The following EIF4G3 variants were observed in gnomAD, a reference collection of about 807,000 sequenced individuals.
The protein encoded by EIF4G3 is eIF-4-gamma 3.
EIF4G3 carries 34 observed loss-of-function variants against 186.4 expected under a neutral mutation model. That is an observed-to-expected ratio of 0.18 (90% confidence interval 0.14 to 0.24). The LOEUF is 0.24. Ranked by LOEUF, EIF4G3 falls within the 10% of genes least tolerant of loss-of-function variation. EIF4G3 has a pLI of 1.00. For missense variants in EIF4G3, 1,536 were observed against 1,948.5 expected, an observed-to-expected ratio of 0.79 and a Z score of 3.99; for synonymous variants, 673 against 679.5, an observed-to-expected ratio of 0.99 and a Z score of 0.15.
intron 4 of EIF4G3, among the ~76,000 whole-genome samples, chr1:21,013,133 C>T (rs183417110): frequency 7.3e-4 from 111 of 152,028 alleles, no homozygotes; most frequent in African/African-American, 2.4e-3. Flanking sequence ...GGAAGGAAGC[C>T]GGCAGAATCT....
intron 2 of EIF4G3, among the ~76,000 whole-genome samples, chr1:21,146,903 G>C (rs2097453070): frequency 6.6e-6 from 1 of 152,132 alleles, no homozygotes; most frequent in African/African-American, 2.4e-5. Flanking sequence ...TGCAATAATT[G>C]TAATAAAAGG....
chr1:20,905,057 A>G (rs888701847), intron 14 of EIF4G3, 86 bp from the exon 15 acceptor site: 2 of 1,000,266 alleles, frequency 2.0e-6, no homozygotes, highest in Non-Finnish European at 3.0e-6. Flanking sequence ...TATTCAAATT[A>G]AGCAGGATAA....
chr1:20,873,709 T>TC (rs2079895516), intron 20 of EIF4G3, among the ~76,000 whole-genome samples: 1 of 129,592 alleles, frequency 7.7e-6, no homozygotes, highest in Non-Finnish European at 1.6e-5. Flanking sequence ...ATTGAATGTC[T>TC]TTTTTTTTTC....
intron 2 of EIF4G3, among the ~76,000 whole-genome samples, chr1:21,092,310 T>C (rs1227134488): frequency 2.0e-5 from 3 of 152,222 alleles, no homozygotes; most frequent in Non-Finnish European, 4.4e-5. Context: ...TTTGTGTATG[T>C]TGATCCAGCC....
At chr1:20,895,765 T>A (rs1213701093) in intron 16 of EIF4G3, among the ~76,000 whole-genome samples, 1 of 152,222 alleles carries the variant, frequency 6.6e-6, no homozygotes, top group Non-Finnish European at 1.5e-5. Context: ...TTTAAAAGTA[T>A]AGCACATACA....
intron 2 of EIF4G3, among the ~76,000 whole-genome samples, chr1:21,115,313 G>A (rs971680165): frequency 1.3e-5 from 2 of 152,176 alleles, no homozygotes; most frequent in African/African-American, 4.8e-5. Flanking sequence ...TCCATGGGGA[G>A]AGAGGGGAAT....
intron 2 of EIF4G3, among the ~76,000 whole-genome samples, chr1:21,152,646 T>C (rs974399848): frequency 1.3e-5 from 2 of 152,150 alleles, no homozygotes; most frequent in Non-Finnish European, 2.9e-5. Context: ...CCAAAATACT[T>C]TCCCTATGAG....
intron 3 of EIF4G3, among the ~76,000 whole-genome samples, chr1:21,053,295 C>T (rs1334024328): frequency 1.3e-5 from 2 of 151,538 alleles, no homozygotes; most frequent in Non-Finnish European, 2.9e-5. Context: ...TGAGGAGCCC[C>T]TCCGCCCGGC....
At chr1:21,032,183 T>A (rs2092802912) in intron 4 of EIF4G3, among the ~76,000 whole-genome samples, 1 of 152,244 alleles carries the variant, frequency 6.6e-6, no homozygotes, top group African/African-American at 2.4e-5. Context: ...CTGGAAATTA[T>A]AGCACAGATG....
At chr1:20,843,198 G>A (rs1005804789) in intron 29 of EIF4G3, among the ~76,000 whole-genome samples, 2 of 151,252 alleles carry the variant, frequency 1.3e-5, no homozygotes, top group African/African-American at 2.4e-5. Flanking sequence ...GCCTTTTCAA[G>A]AGGACTTGTA....
At chr1:20,816,180 T>C (rs1347799896) in intron 34 of EIF4G3, among the ~76,000 whole-genome samples, 1 of 84,752 alleles carries the variant, frequency 1.2e-5, no homozygotes, top group African/African-American at 4.7e-5. Flanking sequence ...TACTGGGAAG[T>C]GAGGAGCGCC....
chr1:20,854,251 T>C (rs2074199619), intron 26 of EIF4G3, among the ~76,000 whole-genome samples: 1 of 152,192 alleles, frequency 6.6e-6, no homozygotes, highest in African/African-American at 2.4e-5. Flanking sequence ...AATGTTTCTT[T>C]ATTCTTTTAC....
Position 20,901,031 on chromosome 1 carries a change from G to A in EIF4G3, c.1753-1088C>T, listed in dbSNP as rs55902068. The stretch of plus-strand genomic sequence containing the variant: ...AATAAATTGTTTAATGTTATCAACA[G>A]AAACAGATGGTTTTTAGACTCTGTT... On this transcript the variant is annotated intron_variant, in intron 15 of 36. Transcript: ENST00000602326. Among the ~76,000 whole-genome samples the A allele has an allele frequency of 3.8e-3, 577 of 152,134 alleles. 3 individuals are homozygous for A. Among genetic ancestry groups the A allele is most frequent in the African/African-American group, 0.013 (539 of 41,510 alleles).
intron 14 of EIF4G3, among the ~76,000 whole-genome samples, chr1:20,913,699 A>T (rs1354314368): frequency 6.6e-6 from 1 of 151,048 alleles, no homozygotes; most frequent in Non-Finnish European, 1.5e-5. Context: ...GTTATTTGTT[A>T]CATTTGTTTC....
intron 4 of EIF4G3, among the ~76,000 whole-genome samples, chr1:21,016,804 C>A (rs1302873907): frequency 6.6e-6 from 1 of 152,052 alleles, no homozygotes; most frequent in Non-Finnish European, 1.5e-5. Context: ...TCCATCTCTA[C>A]TAAAAAATAT....
chr1:21,093,856 A>G (rs1471045613), intron 2 of EIF4G3, among the ~76,000 whole-genome samples: 1 of 152,158 alleles, frequency 6.6e-6, no homozygotes, highest in Non-Finnish European at 1.5e-5. Flanking sequence ...TCACAAGGAC[A>G]AAAAACCAAA....
At chr1:21,107,891 C>T (rs1449438827) in intron 2 of EIF4G3, among the ~76,000 whole-genome samples, 2 of 152,204 alleles carry the variant, frequency 1.3e-5, no homozygotes, top group African/African-American at 2.4e-5. Context: ...CTTGTGCCTG[C>T]GATCCCAGAA....
chr1:20,986,471 G>C (rs533579647), intron 7 of EIF4G3, among the ~76,000 whole-genome samples: 2 of 152,096 alleles, frequency 1.3e-5, no homozygotes, highest in African/African-American at 4.8e-5. Flanking sequence ...AATTTATCTG[G>C]CTAAACAAGC....
At chr1:20,817,318 G>C (rs894723958) in intron 34 of EIF4G3, 74 bp downstream of exon 34, 1 of 934,786 alleles carries the variant, frequency 1.1e-6, no homozygotes, top group Non-Finnish European at 1.5e-6. Flanking sequence ...TGAACTGATA[G>C]GTAAGCGAAT....
Sources: allele counts gnomAD v4.1 joint callset (sites outside exome capture counted in the v4.1 genomes callset), GRCh38; gene constraint gnomAD v4.1.1; transcripts MANE v1.5; gene names NCBI Gene and HGNC (gene_info 2026-07-23, HGNC 2026-07-21).